Variants in MACROD2 observed in about 807,000 individuals in gnomAD.
The protein encoded by MACROD2 is ADP-ribose glycohydrolase MACROD2.
In MACROD2, 36 loss-of-function variants were observed where a neutral mutation model predicts 70.4. The ratio of observed to expected loss-of-function variants is 0.51; its 90% CI spans 0.39 to 0.68. The LOEUF (loss-of-function observed/expected upper bound fraction) is 0.68. Ranked by LOEUF, MACROD2 falls within the 30% of genes least tolerant of loss-of-function variation. MACROD2 has a pLI of 0.00. For synonymous variants in MACROD2, 172 were observed against 178.8 expected, an observed-to-expected ratio of 0.96 and a Z score of 0.30; for missense variants, 496 against 538.4, an observed-to-expected ratio of 0.92 and a Z score of 0.78.
chr20:15,765,978 C>G (rs1568548462), intron 8 of MACROD2, among the ~76,000 whole-genome samples: 1 of 152,130 alleles, frequency 6.6e-6, no homozygotes, highest in Non-Finnish European at 1.5e-5. Flanking sequence ...GAGAGATAAA[C>G]TAACTCAGGG....
intron 7 of MACROD2, among the ~76,000 whole-genome samples, chr20:15,481,049 T>C (rs895762890): frequency 1.3e-5 from 2 of 152,230 alleles, no homozygotes; most frequent in African/African-American, 2.4e-5. Flanking sequence ...CACTTTACTT[T>C]CTCTAACCAT....
At chr20:15,659,304 CTTTTTTTTT>C (rs11468344) in intron 8 of MACROD2, among the ~76,000 whole-genome samples, 10 of 67,266 alleles carry the variant, frequency 1.5e-4, no homozygotes, top group African/African-American at 5.4e-4. Flanking sequence ...GATAGCACAG[CTTTTTTTTT>C]TTTTTTTTTT....
chr20:15,005,509 G>A (rs8123551), intron 5 of MACROD2, among the ~76,000 whole-genome samples: 3,758 of 152,204 alleles, frequency 0.025, 158 homozygotes, highest in African/African-American at 0.085. Flanking sequence ...CACATACCAC[G>A]CATTTTAATT....
intron 4 of MACROD2, among the ~76,000 whole-genome samples, chr20:14,506,052 G>C (rs1206075062): frequency 1.3e-5 from 2 of 152,152 alleles, no homozygotes; most frequent in Non-Finnish European, 2.9e-5. Context: ...AGTGTTGGGG[G>C]GTGGGCAGGT....
chr20:15,636,089 A>AAAAAAAAAAAAG lies in MACROD2; in HGVS notation c.645+136245_645+136246insAAAAAAAAGAAA, dbSNP rs1459679844. On this transcript the variant is annotated intron_variant, in intron 8 of 17. Coordinates refer to ENST00000684519, the MANE Select transcript of MACROD2 (RefSeq NM_001351661.2). ...TCCCTCTCAAAAGAAAAAAAAAAAA[A>AAAAAAAAAAAAG]AAAGAAAGAAAAGAAAAGAAAAAAG... is the stretch of plus-strand genomic sequence containing the variant. Among the ~76,000 whole-genome samples, 1,070 of 134,578 alleles carry AAAAAAAAAAAAG rather than the reference A, an allele frequency of 8.0e-3. 39 individuals carry two copies. The highest frequency in any genetic ancestry group is 0.048 in the East Asian group (193 of 3,982). 88.3% of individuals were successfully genotyped at this position (134,578 alleles called of 152,430 possible).
chr20:14,436,687 A>G (rs1339523765), intron 3 of MACROD2, among the ~76,000 whole-genome samples: 1 of 152,224 alleles, frequency 6.6e-6, no homozygotes. Flanking sequence ...AGGCTTGACA[A>G]GTACAAGGAG....
At chr20:14,769,139 A>G (rs2072131840) in intron 5 of MACROD2, among the ~76,000 whole-genome samples, 1 of 152,088 alleles carries the variant, frequency 6.6e-6, no homozygotes, top group Non-Finnish European at 1.5e-5. Flanking sequence ...CCCATCGGAA[A>G]GCTTCCCTCT....
chr20:14,986,538 G>A (rs1342235542), intron 5 of MACROD2, among the ~76,000 whole-genome samples: 1 of 152,108 alleles, frequency 6.6e-6, no homozygotes, highest in Non-Finnish European at 1.5e-5. Context: ...CTTGTTAGCA[G>A]AAAAGGCTAA....
chr20:15,003,984 T>A (rs2047279019), intron 5 of MACROD2, among the ~76,000 whole-genome samples: 1 of 152,006 alleles, frequency 6.6e-6, no homozygotes, highest in Non-Finnish European at 1.5e-5. Flanking sequence ...GTGTTCAGCA[T>A]GTAGATGGAC....
At chr20:15,201,245 G>C (rs1362104569) in intron 5 of MACROD2, among the ~76,000 whole-genome samples, 1 of 152,110 alleles carries the variant, frequency 6.6e-6, no homozygotes, top group Non-Finnish European at 1.5e-5. Context: ...ACAGATCTCA[G>C]TTTCCTCACC....
intron 3 of MACROD2, among the ~76,000 whole-genome samples, chr20:14,130,649 A>G (rs1157011370): frequency 1.3e-5 from 2 of 152,172 alleles, no homozygotes; most frequent in African/African-American, 4.8e-5. Context: ...AAATAGCACT[A>G]TATTAGCAGT....
chr20:15,752,773 C>T (rs2051291767), intron 8 of MACROD2, among the ~76,000 whole-genome samples: 1 of 152,106 alleles, frequency 6.6e-6, no homozygotes, highest in Non-Finnish European at 1.5e-5. Flanking sequence ...ATCTAAATCA[C>T]AGTACCTCAC....
chr20:14,034,121 G>A (rs984498394), intron 2 of MACROD2, among the ~76,000 whole-genome samples: 2 of 151,932 alleles, frequency 1.3e-5, no homozygotes, highest in African/African-American at 2.4e-5. Flanking sequence ...ACAGGCGCCC[G>A]CCACCACACC....
At chr20:14,690,367 A>G (rs1367379380) in intron 5 of MACROD2, among the ~76,000 whole-genome samples, 1 of 152,218 alleles carries the variant, frequency 6.6e-6, no homozygotes, top group East Asian at 1.9e-4. Context: ...CCATAGCATA[A>G]TATGTTTGAA....
chr20:14,383,044 G>T (rs570691094), intron 3 of MACROD2, among the ~76,000 whole-genome samples: 3 of 152,236 alleles, frequency 2.0e-5, no homozygotes, highest in Admixed American at 6.5e-5. Context: ...CTGCCCTAAC[G>T]CTAAGTCTCA....
Position 14,565,355 on chromosome 20 carries a change from A to C in MACROD2, c.301+71847A>C, listed in dbSNP as rs538515249. On this transcript the variant is annotated intron_variant, in intron 4 of 17. Transcript: ENST00000684519. ...CCTGAATCTATAAAAATGTAAAAAA[A>C]AAAATTTTTTTTTAAAACGTAACAC... Among the ~76,000 whole-genome samples the C allele has an allele frequency of 5.3e-5, 8 of 151,658 alleles. No individual in the cohort carries two copies. In the South Asian group the frequency reaches 1.5e-3, roughly 28 times the overall value.
chr20:15,141,650 T>C (rs1316724752), intron 5 of MACROD2, among the ~76,000 whole-genome samples: 1 of 152,180 alleles, frequency 6.6e-6, no homozygotes, highest in African/African-American at 2.4e-5. Context: ...ATCTGGATGA[T>C]TTTTTCCCTT....
intron 5 of MACROD2, among the ~76,000 whole-genome samples, chr20:14,834,556 T>A (rs1442688436): frequency 6.6e-6 from 1 of 151,970 alleles, no homozygotes; most frequent in Non-Finnish European, 1.5e-5. Context: ...AATCACAGAT[T>A]TAAGGCTTCA....
chr20:15,935,331 G>A (rs541387139), intron 11 of MACROD2, among the ~76,000 whole-genome samples: 2 of 152,202 alleles, frequency 1.3e-5, no homozygotes, highest in South Asian at 2.1e-4. Flanking sequence ...TGAGCTCGCC[G>A]GCCGGCACAG....
Sources: gnomAD v4.1 joint callset for allele counts (sites outside exome capture counted in the v4.1 genomes callset) on GRCh38, gnomAD v4.1.1 for gene constraint, MANE v1.5 for transcripts, NCBI Gene and HGNC (gene_info 2026-07-23, HGNC 2026-07-21) for gene names.